The following NCBP3 variants were observed in gnomAD, a reference collection of about 807,000 sequenced individuals.
NCBP3 encodes the protein nuclear cap binding subunit 3, also known as nuclear cap-binding protein subunit 3.
In NCBP3, 20 loss-of-function variants were observed where a neutral mutation model predicts 75.7. The observed-to-expected ratio is 0.26, with a 90% CI of 0.19 to 0.38. The LOEUF (loss-of-function observed/expected upper bound fraction) is 0.38. Among genes scored for constraint, NCBP3 ranks in the 10% least tolerant of loss-of-function variants. NCBP3 has a pLI of 1.00. For synonymous variants in NCBP3, 293 were observed against 290.5 expected, an observed-to-expected ratio of 1.01 and a Z score of -0.09; for missense variants, 678 against 796.9, an observed-to-expected ratio of 0.85 and a Z score of 1.80.
At chr17:3,821,436 T>C (rs2053663217) in intron 8 of NCBP3, 84 bp from the exon 9 acceptor site, 1 of 1,123,166 alleles carries the variant, frequency 8.9e-7, no homozygotes. Context: ...TTTTCTTTTT[T>C]TTTTGTGATG....
chr17:3,829,191 C>G, intron 4 of NCBP3, 52 bp downstream of exon 4: 1 of 1,543,842 alleles, frequency 6.5e-7, no homozygotes, highest in Middle Eastern at 1.7e-4. Flanking sequence ...GGCAAGAACT[C>G]TTGAAAAATC....
intron 2 of NCBP3, among the ~76,000 whole-genome samples, chr17:3,840,826 C>CA (rs2054051069): frequency 6.6e-6 from 1 of 152,194 alleles, no homozygotes; most frequent in Non-Finnish European, 1.5e-5. Context: ...CTCTTCCAGC[C>CA]TCGTGTCCAC....
At chr17:3,830,517 C>A (rs539708489) in intron 3 of NCBP3, among the ~76,000 whole-genome samples, 4 of 152,206 alleles carry the variant, frequency 2.6e-5, no homozygotes, top group Non-Finnish European at 4.4e-5. Flanking sequence ...ACACTGATAA[C>A]TGCTGTTACT....
At chr17:3,834,547 G>A (rs549847539) in intron 3 of NCBP3, among the ~76,000 whole-genome samples, 15 of 152,224 alleles carry the variant, frequency 9.9e-5, no homozygotes, top group Middle Eastern at 3.4e-3. Context: ...AGGCCGAGGC[G>A]GGCAGATCAC....
Position 3,812,435 on chromosome 17 carries a change from C to A in NCBP3, c.*609G>T. 5 of 864,958 alleles carry A rather than the reference C, an allele frequency of 5.8e-6. No individual in the cohort carries two copies. The highest frequency in any genetic ancestry group is 7.0e-6 in the Non-Finnish European group (5 of 719,252). 53.6% of individuals were successfully genotyped at this position (864,958 alleles called of 1,614,324 possible). The stretch of plus-strand genomic sequence containing the variant: ...GCTGACAGCACGTAAGAGGCCCATG[C>A]CATGAGCAATCCCCGAGGGAAGAAC... On this transcript the variant is annotated 3_prime_UTR_variant, in exon 13 of 13. Coordinates refer to ENST00000389005, the MANE Select transcript of NCBP3 (RefSeq NM_001114118.3).
At chr17:3,823,549 T>G (rs1042321236) in intron 7 of NCBP3, among the ~76,000 whole-genome samples, 3 of 152,152 alleles carry the variant, frequency 2.0e-5, no homozygotes, top group African/African-American at 7.2e-5. Context: ...ATTTACGTGA[T>G]CTCAAAGTAT....
rs530359015 is a variant in NCBP3, at chr17:3,812,953, C to T, written c.*91G>A. The T allele has an allele frequency of 5.7e-4, 886 of 1,565,190 alleles. 4 individuals are homozygous for T. The highest frequency in any genetic ancestry group is 9.6e-4 in the South Asian group (80 of 83,064). ...GACTGTGTGAGCAGGAGCGAGAGGG[C>T]GCCAGCTCCTGCGGGGGAGGTTCCT... On this transcript the variant is annotated 3_prime_UTR_variant, in exon 13 of 13. Coordinates refer to ENST00000389005, the MANE Select transcript of NCBP3 (RefSeq NM_001114118.3).
Position 3,814,449 on chromosome 17 carries a change from A to G in NCBP3, c.1500T>C (p.Ser500=). ...GGTTACTACTAAAAGCCTTTTCCGG[A>G]GAATGTGGTCTTTTTCCTAACCGCT... is the stretch of plus-strand genomic sequence containing the variant. ...IRQRLGKRPH[S]PEKAFSSNPV... The change falls in exon 12 of 13, where the codon TCT becomes TCC. Residue 500 remains serine, a synonymous_variant. Transcript: ENST00000389005. 2 of 1,614,182 alleles carry G rather than the reference A, an allele frequency of 1.2e-6. No homozygotes were observed. The highest frequency in any genetic ancestry group is 1.7e-6 in the Non-Finnish European group (2 of 1,180,036).
chr17:3,835,540 A>C (rs2053958721), intron 3 of NCBP3, among the ~76,000 whole-genome samples: 1 of 152,274 alleles, frequency 6.6e-6, no homozygotes, highest in African/African-American at 2.4e-5. Flanking sequence ...GTATGAAAGG[A>C]CTTCACAGTC....
intron 3 of NCBP3, among the ~76,000 whole-genome samples, chr17:3,832,650 T>A (rs998059825): frequency 2.0e-5 from 3 of 151,174 alleles, no homozygotes; most frequent in Non-Finnish European, 2.9e-5. Context: ...TAAAATAAAA[T>A]AAAAAATAAA....
chr17:3,843,674 G>A (rs1422865044), intron 1 of NCBP3, among the ~76,000 whole-genome samples: 1 of 152,134 alleles, frequency 6.6e-6, no homozygotes, highest in Non-Finnish European at 1.5e-5. Context: ...AGCCTCCTGA[G>A]TAGCTGGGAT....
At chr17:3,835,696 T>C (rs9907377) in intron 3 of NCBP3, among the ~76,000 whole-genome samples, 83,767 of 152,250 alleles carry the variant, frequency 0.55, 26,791 homozygotes, top group Non-Finnish European at 0.72. Flanking sequence ...AGTAGGAAGT[T>C]TGCCAAAAGG....
At chr17:3,845,040 T>C (rs553780865) in intron 1 of NCBP3, among the ~76,000 whole-genome samples, 7 of 152,186 alleles carry the variant, frequency 4.6e-5, no homozygotes, top group African/African-American at 1.4e-4. Flanking sequence ...GTTTTTGAGA[T>C]GGGGAGAGGG....
chr17:3,822,505 T>G (rs2053687431), intron 7 of NCBP3: 1 of 153,794 alleles, frequency 6.5e-6, no homozygotes, highest in South Asian at 2.0e-4. Context: ...TTCCATATAT[T>G]TGGTAAATCA....
At chr17:3,836,246 G>A (rs896518261) in intron 3 of NCBP3, among the ~76,000 whole-genome samples, 10 of 152,354 alleles carry the variant, frequency 6.6e-5, no homozygotes, top group African/African-American at 2.2e-4. Context: ...CGGCTGGGAA[G>A]ATGGAGAATA....
intron 4 of NCBP3, among the ~76,000 whole-genome samples, chr17:3,826,757 G>C (rs1047581302): frequency 8.1e-5 from 12 of 148,890 alleles, no homozygotes; most frequent in Admixed American, 8.0e-4. Context: ...AAAAGAGAGA[G>C]AGAGAAAGCA....
rs1164950368 is a variant in NCBP3 at position 3,832,440 on chromosome 17, C to A, written c.356-3072G>T. Among the ~76,000 whole-genome samples, 2 of 117,500 alleles carry A rather than the reference C, an allele frequency of 1.7e-5. 1 individual carries two copies. The highest frequency in any genetic ancestry group is 4.1e-5 in the Non-Finnish European group (2 of 48,870). The allele number at this position is 117,500 out of a possible 152,430, so 77.1% of individuals were successfully genotyped here. On this transcript the variant is annotated intron_variant, in intron 3 of 12. Transcript: ENST00000389005. ...CAAGGTCAGATCGAGACCATCCTGG[C>A]CAACACGGTGAAACCCCGTCTCTAC...
Position 3,814,010 on chromosome 17 carries a change from G to A in NCBP3, c.1627+312C>T, listed in dbSNP as rs1441514141. Among the ~76,000 whole-genome samples, 8 of 152,250 alleles carry A rather than the reference G, an allele frequency of 5.3e-5. No homozygotes were observed. The East Asian group carries it at 5.8e-4, about 11-fold the overall frequency. On this transcript the variant is annotated intron_variant, in intron 12 of 12. Coordinates refer to ENST00000389005, the MANE Select transcript of NCBP3 (RefSeq NM_001114118.3). ...ATTATAAAATGTGGCAAACAACTAC[G>A]ATAAAATGCTGTATGAAAAAACTAG...
chr17:3,829,243 A>G lies in NCBP3; in HGVS notation c.481T>C (p.Cys161Arg). ...AHIEWLDDTSCNVVWLDEMTA... is the reference protein window; with the variant it reads ...AHIEWLDDTSRNVVWLDEMTA... ...TCACAGGAAACTCGGGTGTACTTAC[A>G]GGAGGTATCATCCAACCATTCGATG... The change falls in exon 4 of 13, where the codon TGT becomes CGT. Residue 161 changes from cysteine (C) to arginine (R), a missense_variant and splice_region_variant. Cys to Arg is a radical substitution (Grantham distance 180). Coordinates refer to ENST00000389005, the MANE Select transcript of NCBP3 (RefSeq NM_001114118.3). 1 of 1,551,634 alleles carries G rather than the reference A, an allele frequency of 6.4e-7. No homozygotes were observed. Among genetic ancestry groups the G allele is most frequent in the South Asian group, 1.2e-5 (1 of 84,054 alleles).
Sources: allele counts gnomAD v4.1 joint callset (sites outside exome capture counted in the v4.1 genomes callset), GRCh38; gene constraint gnomAD v4.1.1; transcripts MANE v1.5; gene names NCBI Gene and HGNC (gene_info 2026-07-23, HGNC 2026-07-21).